EXOG: variants seen among roughly 807,000 people sequenced by gnomAD.
EXOG encodes the protein nuclease EXOG, mitochondrial.
EXOG carries 27 observed loss-of-function variants against 25.8 expected under a neutral mutation model. The ratio of observed to expected loss-of-function variants is 1.05; its 90% CI spans 0.77 to 1.45. EXOG has a LOEUF of 1.45. Ranked by LOEUF, EXOG falls within the 40% of genes most tolerant of loss-of-function variation. The probability of loss-of-function intolerance (pLI) is 0.00; values close to 1 mark genes in which losing one functional copy is unlikely to be tolerated. For missense variants in EXOG, 458 were observed against 450.5 expected (o/e 1.02, Z -0.15); for synonymous variants, 133 against 167.0 (o/e 0.80, Z 1.57).
At position 38,526,052 on chromosome 3, in the gene EXOG, G is replaced by A. The variant is rs2060861731; in HGVS notation, c.*1690G>A. ...TAGCATAGTAGGCCAAAGGTCCAAA[G>A]GCATTTAGCATTCCTAGGGGAAATT... is the stretch of plus-strand genomic sequence containing the variant. On this transcript the variant is annotated 3_prime_UTR_variant, in exon 6 of 6. Transcript: ENST00000287675. 1 of 985,328 alleles carries A rather than the reference G, an allele frequency of 1.0e-6. No homozygotes were observed. The highest frequency in any genetic ancestry group is 6.1e-5 in the Admixed American group (1 of 16,262). 61.0% of individuals were successfully genotyped at this position (985,328 alleles called of 1,614,324 possible). A position where few individuals can be genotyped will look rare whatever the true frequency, so the allele number is the denominator to read the frequency against.
chr3:38,516,007 T>C (rs1441222196), intron 5 of EXOG, among the ~76,000 whole-genome samples: 2 of 152,198 alleles, frequency 1.3e-5, no homozygotes, highest in Admixed American at 6.5e-5. Flanking sequence ...TAAGGGGTGG[T>C]AAAAATATTA....
At position 38,524,424 on chromosome 3, in the gene EXOG, C is replaced by A; in HGVS notation, c.*62C>A. The A allele has an allele frequency of 6.6e-7, 1 of 1,510,460 alleles. No individual in the cohort carries two copies. The highest frequency in any genetic ancestry group is 8.8e-7 in the Non-Finnish European group (1 of 1,133,502). 93.6% of individuals were successfully genotyped at this position (1,510,460 alleles called of 1,614,324 possible). ...AGCAGGCATGCCCTCTTTAGGCTAA[C>A]ATATTTTAGTGGCTTTGCTTTTTGC... On this transcript the variant is annotated 3_prime_UTR_variant, in exon 6 of 6. Transcript: ENST00000287675.
At chr3:38,519,612 T>C (rs1339512484) in intron 5 of EXOG, among the ~76,000 whole-genome samples, 1 of 152,216 alleles carries the variant, frequency 6.6e-6, no homozygotes, top group Non-Finnish European at 1.5e-5. Context: ...CCATATCTAT[T>C]TGTTTTAATG....
chr3:38,511,499 G>A (rs996054310), intron 5 of EXOG, among the ~76,000 whole-genome samples: 1 of 152,330 alleles, frequency 6.6e-6, no homozygotes, highest in Admixed American at 6.5e-5. Context: ...ATATCTGCAA[G>A]ATAAAGTGAA....
intron 2 of EXOG, among the ~76,000 whole-genome samples, chr3:38,500,432 A>G (rs767864324): frequency 7.9e-5 from 12 of 152,182 alleles, no homozygotes; most frequent in Non-Finnish European, 1.8e-4. Context: ...TGGTAATGAC[A>G]CTTAGAAATT....
intron 5 of EXOG, among the ~76,000 whole-genome samples, chr3:38,508,559 C>CTG (rs1279678442): frequency 6.6e-6 from 1 of 152,002 alleles, no homozygotes; most frequent in African/African-American, 2.4e-5. Context: ...AAAAGAAGCA[C>CTG]TGAAGGACTT....
intron 5 of EXOG, among the ~76,000 whole-genome samples, chr3:38,510,839 C>A (rs1033843692): frequency 1.3e-5 from 2 of 152,074 alleles, no homozygotes; most frequent in African/African-American, 4.8e-5. Flanking sequence ...AATGATCAGT[C>A]ATGTGAGGTC....
chr3:38,497,478 G>T (rs2059925774), intron 1 of EXOG, 151 bp from the exon 2 acceptor site: 11 of 1,355,074 alleles, frequency 8.1e-6, no homozygotes, highest in Non-Finnish European at 1.0e-5. Context: ...GCAAAAATGA[G>T]ATTTTCTGGT....
intron 5 of EXOG, among the ~76,000 whole-genome samples, chr3:38,518,106 CAT>C (rs1487784458): frequency 2.8e-4 from 42 of 152,198 alleles, no homozygotes; most frequent in African/African-American, 9.4e-4. Flanking sequence ...TGCACACACA[CAT>C]GTATCTATAA....
At chr3:38,497,603 CCT>C in intron 1 of EXOG, 24 bp from the exon 2 acceptor site, 3 of 1,504,108 alleles carry the variant, frequency 2.0e-6, no homozygotes, top group Non-Finnish European at 1.7e-6. Flanking sequence ...CTCTGCCCCC[CCT>C]TTTTTTTTTT....
chr3:38,521,806 A>C (rs2060723570), intron 5 of EXOG, among the ~76,000 whole-genome samples: 1 of 151,732 alleles, frequency 6.6e-6, no homozygotes, highest in Admixed American at 6.6e-5. Context: ...CTTGGTTCCC[A>C]CTCTAGGTGG....
chr3:38,512,570 G>C (rs948158349), intron 5 of EXOG, among the ~76,000 whole-genome samples: 3 of 151,968 alleles, frequency 2.0e-5, no homozygotes, highest in African/African-American at 7.3e-5. Context: ...CTTAATTTTA[G>C]TTCTTCCGTT....
rs906613713 is a variant in EXOG, at chr3:38,496,771, C to T, written c.163+241C>T. ...TTCGTTTTCTGCACAGAACCACCCC[C>T]GCCGCCCGACTTTCTTCCCCCCAGT... On this transcript the variant is annotated intron_variant, in intron 1 of 5. Coordinates refer to ENST00000287675, the MANE Select transcript of EXOG (RefSeq NM_005107.4). The T allele has an allele frequency of 4.8e-6, 7 of 1,464,910 alleles. No individual in the cohort carries two copies. In the African/African-American group the frequency reaches 7.0e-5, roughly 15 times the overall value. The allele number at this position is 1,464,910 out of a possible 1,614,324, so 90.7% of individuals were successfully genotyped here.
At chr3:38,510,027 C>T (rs771889927) in intron 5 of EXOG, among the ~76,000 whole-genome samples, 10 of 152,108 alleles carry the variant, frequency 6.6e-5, no homozygotes, top group Admixed American at 5.9e-4. Flanking sequence ...TTATTAATCA[C>T]AAAGTAAGAA....
rs115609981 is a variant in EXOG at position 38,517,037 on chromosome 3, C to T, written c.646-6864C>T. ...CTACCAGGTTTTTTCACCATTTCCC[C>T]CTTTGGAATTTATAAGTAATCTGTG... is the stretch of plus-strand genomic sequence containing the variant. On this transcript the variant is annotated intron_variant, in intron 5 of 5. Transcript: ENST00000287675. Among the ~76,000 whole-genome samples the T allele has an allele frequency of 6.0e-3, 909 of 152,266 alleles. 9 individuals carry two copies. The highest frequency in any genetic ancestry group is 0.021 in the African/African-American group (858 of 41,548).
At chr3:38,504,068 A>T (rs1295306456) in intron 4 of EXOG, among the ~76,000 whole-genome samples, 1 of 152,156 alleles carries the variant, frequency 6.6e-6, no homozygotes, top group South Asian at 2.1e-4. Flanking sequence ...TTTGTATTTC[A>T]AGAGCTCCTG....
chr3:38,511,064 C>A (rs1171050076), intron 5 of EXOG, among the ~76,000 whole-genome samples: 1 of 152,168 alleles, frequency 6.6e-6, no homozygotes, highest in African/African-American at 2.4e-5. Flanking sequence ...AGCAAATTTT[C>A]AAGTACCTGT....
In EXOG at chr3:38,523,896, T is replaced by G; in HGVS notation, c.646-5T>G. ...GCATCACTAATATGGCTGCTTTGTT[T>G]TTAGGTGATTGGCGAGGACAACGTG... On this transcript the variant is annotated splice_region_variant and splice_polypyrimidine_tract_variant and intron_variant, in intron 5 of 5. Transcript: ENST00000287675. 1.3e-6 allele frequency: 2 copies of G among 1,522,946 alleles called. No homozygotes were observed. Among genetic ancestry groups the G allele is most frequent in the Non-Finnish European group, 1.8e-6 (2 of 1,136,494 alleles). 94.3% of individuals were successfully genotyped at this position (1,522,946 alleles called of 1,614,324 possible). A position where few individuals can be genotyped will look rare whatever the true frequency, so the allele number is the denominator to read the frequency against.
chr3:38,524,073 A>G lies in EXOG; in HGVS notation c.818A>G (p.Glu273Gly). The change falls in exon 6 of 6, where the codon GAG (glutamate) becomes GGG (glycine). Residue 273 changes from glutamate (E) to glycine (G), a missense_variant. Physicochemically the swap from Glu to Gly is moderately conservative, Grantham distance 98. Around this residue, in one of 3 missense-constraint regions of EXOG, gnomAD observed 178 missense variants for 203.7 expected, o/e 0.87. Coordinates refer to ENST00000287675, the MANE Select transcript of EXOG (RefSeq NM_005107.4). ...TEFQVSLQDL[E>G]KLSGLVFFPH... is the part of the protein sequence containing the mutation. ...TTCCAAGTGAGCCTCCAGGACCTAG[A>G]GAAGTTGTCAGGACTGGTGTTTTTT... The G allele has an allele frequency of 6.2e-7, 1 of 1,614,190 alleles. No individual in the cohort carries two copies. Among genetic ancestry groups the G allele is most frequent in the Non-Finnish European group, 8.5e-7 (1 of 1,180,016 alleles).
Sources: gnomAD v4.1 joint callset for allele counts (sites outside exome capture counted in the v4.1 genomes callset) on GRCh38, gnomAD v4.1.1 for gene constraint, gnomAD v4.1.1 regional missense constraint, MANE v1.5 for transcripts, NCBI Gene and HGNC (gene_info 2026-07-23, HGNC 2026-07-21) for gene names.